The following LUZP2 variants were observed in gnomAD, a reference collection of about 807,000 sequenced individuals.
The protein encoded by LUZP2 is leucine zipper protein 2.
Under a neutral mutation model 51.6 loss-of-function variants are expected in LUZP2, and 52 were observed. That is an observed-to-expected ratio of 1.01 (90% CI 0.81 to 1.27). The LOEUF (loss-of-function observed/expected upper bound fraction) is 1.27, where lower values mean the gene tolerates loss of function less well. Among genes scored for constraint, LUZP2 ranks in the 50% most tolerant of loss-of-function variants. The pLI is 0.00. For missense variants in LUZP2, 436 were observed against 395.4 expected (o/e 1.10, Z -0.87); for synonymous variants, 154 against 137.3 (o/e 1.12, Z -0.85).
intron 5 of LUZP2, among the ~76,000 whole-genome samples, chr11:24,791,291 T>A (rs1278294992): frequency 6.6e-6 from 1 of 152,228 alleles, no homozygotes; most frequent in Non-Finnish European, 1.5e-5. Flanking sequence ...AATGAGCAAA[T>A]CTTATTCAAA....
intron 5 of LUZP2, among the ~76,000 whole-genome samples, chr11:24,839,482 C>T (rs1050950252): frequency 6.6e-6 from 1 of 151,706 alleles, no homozygotes; most frequent in Non-Finnish European, 1.5e-5. Context: ...CAATTTATCA[C>T]ATATTAATAT....
intron 7 of LUZP2, among the ~76,000 whole-genome samples, chr11:24,974,766 A>T (rs1014788663): frequency 7.6e-6 from 1 of 130,784 alleles, no homozygotes; most frequent in Non-Finnish European, 1.6e-5. Flanking sequence ...AAGACCTTAC[A>T]ATATAGATAA....
At position 24,563,603 on chromosome 11, in the gene LUZP2, C is replaced by T. The variant is rs1017846689; in HGVS notation, c.62+66298C>T. Among the ~76,000 whole-genome samples the T allele has an allele frequency of 2.6e-5, 4 of 151,962 alleles. No individual in the cohort carries two copies. The East Asian group carries it at 7.7e-4, about 29-fold the overall frequency. The stretch of plus-strand genomic sequence containing the variant: ...TCTTTATTTTGTAGTCCCTTCTATC[C>T]TTTTGATTGTCGGCACAGTCATATG... On this transcript the variant is annotated intron_variant, in intron 1 of 11. Transcript: ENST00000336930.
At chr11:24,505,773 CA>C (rs1172762382) in intron 1 of LUZP2, among the ~76,000 whole-genome samples, 1 of 151,836 alleles carries the variant, frequency 6.6e-6, no homozygotes, top group African/African-American at 2.4e-5. Flanking sequence ...TTATCTTAAC[CA>C]ATTCCAGTTG....
At chr11:24,574,174 TTTCTTTC>T (rs1852532492) in intron 1 of LUZP2, among the ~76,000 whole-genome samples, 1 of 149,956 alleles carries the variant, frequency 6.7e-6, no homozygotes, top group South Asian at 2.1e-4. Context: ...ATTTTCTTTC[TTTCTTTC>T]TTTTCTTTCT....
At chr11:24,899,585 A>G (rs2133776224) in intron 5 of LUZP2, among the ~76,000 whole-genome samples, 1 of 152,260 alleles carries the variant, frequency 6.6e-6, no homozygotes, top group East Asian at 1.9e-4. Context: ...ACAAAGTCTC[A>G]AGAAAGATGA....
At chr11:24,769,706 T>TGGG (rs35763756) in intron 5 of LUZP2, among the ~76,000 whole-genome samples, 12 of 148,292 alleles carry the variant, frequency 8.1e-5, no homozygotes, top group South Asian at 2.1e-4. Flanking sequence ...TTTTTTTTTT[T>TGGG]GGGATTATAA....
At chr11:25,032,799 G>A (rs1307423844) in intron 9 of LUZP2, among the ~76,000 whole-genome samples, 1 of 152,096 alleles carries the variant, frequency 6.6e-6, no homozygotes, top group Admixed American at 6.6e-5. Flanking sequence ...TTGCAAGGGG[G>A]CCTTATACAA....
chr11:24,578,273 C>T (rs1234777613), intron 1 of LUZP2, among the ~76,000 whole-genome samples: 1 of 152,110 alleles, frequency 6.6e-6, no homozygotes, highest in Non-Finnish European at 1.5e-5. Flanking sequence ...TAGGCAATAA[C>T]TTCCTTTTAC....
At chr11:24,943,435 C>T (rs1042234875) in intron 7 of LUZP2, among the ~76,000 whole-genome samples, 1 of 152,086 alleles carries the variant, frequency 6.6e-6, no homozygotes, top group Non-Finnish European at 1.5e-5. Context: ...TAATTCTCCT[C>T]TGTACTGCCA....
intron 5 of LUZP2, among the ~76,000 whole-genome samples, chr11:24,823,389 G>GA (rs58275746): frequency 0.053 from 4,874 of 92,618 alleles, 122 homozygotes; most frequent in East Asian, 0.17. Context: ...AATGAATTCA[G>GA]AAAAAAAAAA....
intron 1 of LUZP2, among the ~76,000 whole-genome samples, chr11:24,549,947 T>A (rs1851676539): frequency 6.6e-6 from 1 of 152,084 alleles, no homozygotes; most frequent in African/African-American, 2.4e-5. Context: ...ACGACCATCA[T>A]GTCCTAGGCT....
chr11:24,541,845 C>T (rs984514359), intron 1 of LUZP2, among the ~76,000 whole-genome samples: 1 of 151,606 alleles, frequency 6.6e-6, no homozygotes, highest in Non-Finnish European at 1.5e-5. Context: ...CCTAAAATTC[C>T]AAAAATTCTA....
intron 1 of LUZP2, among the ~76,000 whole-genome samples, chr11:24,578,506 C>A (rs576389521): frequency 1.3e-5 from 2 of 151,662 alleles, no homozygotes; most frequent in Non-Finnish European, 2.9e-5. Context: ...GCAGCATCAT[C>A]CACAATAGCA....
At position 24,673,115 on chromosome 11, in the gene LUZP2, A is replaced by G. The variant is rs183848237; in HGVS notation, c.63-56054A>G. Among the ~76,000 whole-genome samples, 8 of 152,138 alleles carry G rather than the reference A, an allele frequency of 5.3e-5. No individual in the cohort carries two copies. The East Asian group carries it at 1.4e-3, about 26-fold the overall frequency. ...CACCACCCCCACCCTTCCTCCATCC[A>G]TGGAAAAATTGTCTTCCATGAAACC... On this transcript the variant is annotated intron_variant, in intron 1 of 11. Coordinates refer to ENST00000336930, the MANE Select transcript of LUZP2 (RefSeq NM_001009909.4).
chr11:25,023,519 TG>T (rs1260311456), intron 9 of LUZP2, among the ~76,000 whole-genome samples: 14 of 152,158 alleles, frequency 9.2e-5, no homozygotes, highest in African/African-American at 3.4e-4. Flanking sequence ...TGCATCTATT[TG>T]GTTCCTCTCT....
At chr11:25,015,990 G>A (rs557355791) in intron 9 of LUZP2, among the ~76,000 whole-genome samples, 7 of 149,188 alleles carry the variant, frequency 4.7e-5, no homozygotes, top group South Asian at 2.1e-4. Flanking sequence ...GTGCAATCTC[G>A]GCTCACTGCA....
At chr11:24,865,724 A>G (rs1200465550) in intron 5 of LUZP2, among the ~76,000 whole-genome samples, 26 of 136,226 alleles carry the variant, frequency 1.9e-4, no homozygotes, top group African/African-American at 4.9e-4. Flanking sequence ...ATATATATAT[A>G]TATGTGTGTG....
At chr11:24,908,749 G>GT (rs946646529) in intron 6 of LUZP2, among the ~76,000 whole-genome samples, 3 of 145,078 alleles carry the variant, frequency 2.1e-5, no homozygotes, top group African/African-American at 7.5e-5. Flanking sequence ...TTTGTTGTTT[G>GT]TTTTTTTTCT....
Sources: gnomAD v4.1 joint callset for allele counts (sites outside exome capture counted in the v4.1 genomes callset) on GRCh38, gnomAD v4.1.1 for gene constraint, MANE v1.5 for transcripts, NCBI Gene and HGNC (gene_info 2026-07-23, HGNC 2026-07-21) for gene names.